Variants in IL1RAPL1 observed in about 807,000 individuals in gnomAD.
The protein encoded by IL1RAPL1 is interleukin 1 receptor accessory protein like 1.
IL1RAPL1 carries 3 observed loss-of-function variants against 48.4 expected under a neutral mutation model. That is an observed-to-expected ratio of 0.06 (90% CI 0.03 to 0.16). IL1RAPL1 has a LOEUF of 0.16. Ranked by LOEUF, IL1RAPL1 falls within the 10% of genes least tolerant of loss-of-function variation. The pLI, the probability that IL1RAPL1 is intolerant of heterozygous loss-of-function variation, is 1.00. For synonymous variants in IL1RAPL1, 185 were observed against 187.7 expected (o/e 0.99, Z 0.12); for missense variants, 349 against 530.6 (o/e 0.66, Z 3.36).
At chrX:29,146,854 C>G (rs1478653000) in intron 2 of IL1RAPL1, among the ~76,000 whole-genome samples, 1 of 112,453 alleles carries the variant, frequency 8.9e-6, no homozygotes, top group Non-Finnish European at 1.9e-5. Flanking sequence ...TCTGCCAGCT[C>G]TGGCCTGTAG....
At chrX:29,428,409 G>A (rs1934375170) in intron 5 of IL1RAPL1, among the ~76,000 whole-genome samples, 2 of 111,084 alleles carry the variant, frequency 1.8e-5, no homozygotes, top group African/African-American at 3.3e-5. Context: ...TAGATGTTCC[G>A]CTATGACTTT....
At chrX:28,658,685 G>A (rs1934780081) in intron 1 of IL1RAPL1, among the ~76,000 whole-genome samples, 2 of 111,320 alleles carry the variant, frequency 1.8e-5, no homozygotes, top group African/African-American at 6.5e-5. Context: ...TGATAAAAAT[G>A]CTACAAACAC....
intron 1 of IL1RAPL1, among the ~76,000 whole-genome samples, chrX:28,705,059 T>C (rs1935359461): frequency 9.0e-6 from 1 of 111,567 alleles, no homozygotes; most frequent in Non-Finnish European, 1.9e-5. Flanking sequence ...GGAAAATGTT[T>C]TGTAGCAAGT....
intron 2 of IL1RAPL1, among the ~76,000 whole-genome samples, chrX:29,082,690 A>G (rs1235544258): frequency 1.8e-5 from 2 of 111,762 alleles, no homozygotes; most frequent in African/African-American, 6.5e-5. Flanking sequence ...AGAACATGAA[A>G]TTTTGGTCAG....
At chrX:29,391,300 A>G (rs1258851653) in intron 3 of IL1RAPL1, among the ~76,000 whole-genome samples, 1 of 112,172 alleles carries the variant, frequency 8.9e-6, no homozygotes, top group South Asian at 3.7e-4. Context: ...GACTTCTGGA[A>G]ACTGTATGGA....
At chrX:28,676,138 T>A (rs916653160) in intron 1 of IL1RAPL1, among the ~76,000 whole-genome samples, 15 of 110,313 alleles carry the variant, frequency 1.4e-4, no homozygotes, top group Admixed American at 9.6e-4. Flanking sequence ...CTATTCTTAA[T>A]TTTTTTTTAC....
At chrX:29,427,917 G>A (rs967043933) in intron 5 of IL1RAPL1, among the ~76,000 whole-genome samples, 5 of 111,504 alleles carry the variant, frequency 4.5e-5, no homozygotes, top group Non-Finnish European at 9.4e-5. Flanking sequence ...AACAAGGAGG[G>A]GAAGGGACTG....
intron 2 of IL1RAPL1, among the ~76,000 whole-genome samples, chrX:29,034,060 T>G (rs2147411585): frequency 8.9e-6 from 1 of 112,240 alleles, no homozygotes; most frequent in Non-Finnish European, 1.9e-5. Flanking sequence ...TCATTTATAT[T>G]ATTGTCTAAA....
At chrX:29,415,369 T>C (rs1934200516) in intron 5 of IL1RAPL1, among the ~76,000 whole-genome samples, 1 of 111,711 alleles carries the variant, frequency 9.0e-6, no homozygotes, top group Admixed American at 9.5e-5. Context: ...CTATATAATA[T>C]ATATCTATAA....
intron 1 of IL1RAPL1, among the ~76,000 whole-genome samples, chrX:28,647,762 A>G (rs1934631310): frequency 8.9e-6 from 1 of 111,864 alleles, no homozygotes; most frequent in African/African-American, 3.3e-5. Flanking sequence ...TCACTGAGTC[A>G]GTTCATAGTC....
At chrX:29,705,387 G>C (rs1927166198) in intron 6 of IL1RAPL1, among the ~76,000 whole-genome samples, 1 of 111,190 alleles carries the variant, frequency 9.0e-6, no homozygotes, top group South Asian at 3.9e-4. Flanking sequence ...ACTAATTTTT[G>C]TATTTTTAGT....
chrX:29,131,262 C>CTG (rs1363446534), intron 2 of IL1RAPL1, among the ~76,000 whole-genome samples: 11 of 86,615 alleles, frequency 1.3e-4, no homozygotes, highest in South Asian at 5.0e-4. Context: ...GTTTATATGC[C>CTG]TGTGTGTGTG....
chrX:28,925,728 C>G (rs1487903281), intron 2 of IL1RAPL1, among the ~76,000 whole-genome samples: 1 of 111,334 alleles, frequency 9.0e-6, no homozygotes, highest in Admixed American at 9.5e-5. Flanking sequence ...TGAGACCATC[C>G]TGGCCGACAG....
chrX:29,441,371 A>T (rs1311329715), intron 5 of IL1RAPL1, among the ~76,000 whole-genome samples: 1 of 112,312 alleles, frequency 8.9e-6, no homozygotes, highest in Non-Finnish European at 1.9e-5. Flanking sequence ...ATGTTTGTGC[A>T]AACTTCTATC....
Position 28,945,929 on chromosome X carries a change from A to G in IL1RAPL1, c.82+156504A>G, listed in dbSNP as rs776828295. On this transcript the variant is annotated intron_variant, in intron 2 of 10. Transcript: ENST00000378993. The stretch of plus-strand genomic sequence containing the variant: ...TGTGTGTGTGTGTGTGTGTGTGTAT[A>G]CACTCAATTAACTATTTTCAAATAT... Among the ~76,000 whole-genome samples, 170 of 104,608 alleles carry G rather than the reference A, an allele frequency of 1.6e-3. 1 individual carries two copies. Among genetic ancestry groups the G allele is most frequent in the Middle Eastern group, 9.9e-3 (2 of 202 alleles). 90.8% of individuals were successfully genotyped at this position (104,608 alleles called of 115,157 possible).
At chrX:28,672,714 C>T (rs761211981) in intron 1 of IL1RAPL1, among the ~76,000 whole-genome samples, 1 of 111,666 alleles carries the variant, frequency 9.0e-6, no homozygotes, top group East Asian at 2.8e-4. Flanking sequence ...TCCATTATTT[C>T]CAGGGTCCTG....
chrX:29,512,271 A>G (rs1398047348), intron 5 of IL1RAPL1, among the ~76,000 whole-genome samples: 6 of 111,348 alleles, frequency 5.4e-5, no homozygotes, highest in Admixed American at 9.6e-5. Flanking sequence ...AAAGTTATTT[A>G]GCTACAGTTT....
intron 6 of IL1RAPL1, among the ~76,000 whole-genome samples, chrX:29,848,891 C>T (rs1021578307): frequency 9.0e-5 from 10 of 110,814 alleles, no homozygotes; most frequent in South Asian, 3.9e-4. Context: ...CTTAGCCCCC[C>T]GAATAGCTGG....
chrX:29,166,124 A>G (rs1929782264), intron 2 of IL1RAPL1, among the ~76,000 whole-genome samples: 1 of 112,433 alleles, frequency 8.9e-6, no homozygotes. Context: ...TTTTTTATAT[A>G]AACACACAAA....
Sources: allele counts gnomAD v4.1 joint callset (sites outside exome capture counted in the v4.1 genomes callset), GRCh38; gene constraint gnomAD v4.1.1; transcripts MANE v1.5; gene names NCBI Gene and HGNC (gene_info 2026-07-23, HGNC 2026-07-21).